The following B3GALT1 variants were observed in gnomAD, a reference collection of about 807,000 sequenced individuals.
B3GALT1 encodes the protein UDP-Gal:betaGlcNAc beta 1,3-galactosyltransferase, polypeptide 1.
A neutral mutation model predicts 23.2 loss-of-function variants in B3GALT1; 10 were observed. That is an observed-to-expected ratio of 0.43 (90% CI 0.27 to 0.73). The LOEUF (loss-of-function observed/expected upper bound fraction) is 0.73, where lower values mean the gene tolerates loss of function less well. Ranked by LOEUF, B3GALT1 falls within the 30% of genes least tolerant of loss-of-function variation. The pLI, the probability that B3GALT1 is intolerant of heterozygous loss-of-function variation, is 0.21. For missense variants in B3GALT1, 299 were observed against 405.4 expected (o/e 0.74, Z 2.25); for synonymous variants, 156 against 141.5 (o/e 1.10, Z -0.73).
chr2:167,486,938 G>A (rs1349142644), intron 1 of B3GALT1, among the ~76,000 whole-genome samples: 1 of 152,058 alleles, frequency 6.6e-6, no homozygotes, highest in Non-Finnish European at 1.5e-5. Context: ...CCATTTGGCT[G>A]TAGAATAAAA....
At chr2:167,559,774 G>A (rs1044896626) in intron 2 of B3GALT1, among the ~76,000 whole-genome samples, 4 of 152,130 alleles carry the variant, frequency 2.6e-5, no homozygotes, top group South Asian at 2.1e-4. Flanking sequence ...AAAAAGAAAT[G>A]AACAAAGCCT....
chr2:167,406,655 G>C (rs1299675298), intron 1 of B3GALT1, among the ~76,000 whole-genome samples: 1 of 152,184 alleles, frequency 6.6e-6, no homozygotes, highest in Non-Finnish European at 1.5e-5. Context: ...ATGACTGAGT[G>C]AAGGAAGAAA....
intron 1 of B3GALT1, among the ~76,000 whole-genome samples, chr2:167,472,849 T>G (rs1485551243): frequency 6.6e-6 from 1 of 152,144 alleles, no homozygotes; most frequent in Non-Finnish European, 1.5e-5. Flanking sequence ...GATATCAGTA[T>G]TTCCATTTGT....
intron 1 of B3GALT1, among the ~76,000 whole-genome samples, chr2:167,312,494 A>T: frequency 6.6e-6 from 1 of 152,162 alleles, no homozygotes; most frequent in South Asian, 2.1e-4. Flanking sequence ...AATGCTCAGT[A>T]CAAAGAACAC....
At chr2:167,310,178 C>A (rs1035476626) in intron 1 of B3GALT1, among the ~76,000 whole-genome samples, 1 of 151,938 alleles carries the variant, frequency 6.6e-6, no homozygotes, top group East Asian at 1.9e-4. Context: ...CACAAGCAAA[C>A]TGTTTCCATT....
intron 3 of B3GALT1, among the ~76,000 whole-genome samples, chr2:167,804,073 G>A (rs1478686071): frequency 6.6e-6 from 1 of 152,064 alleles, no homozygotes; most frequent in African/African-American, 2.4e-5. Context: ...TCGGCACACT[G>A]CAACCTCCCG....
intron 1 of B3GALT1, among the ~76,000 whole-genome samples, chr2:167,427,145 A>G (rs541107968): frequency 1.6e-4 from 25 of 152,348 alleles, no homozygotes; most frequent in Admixed American, 1.6e-3. Context: ...AGGCAAAACT[A>G]AACTATTGTT....
At chr2:167,518,036 C>A (rs376124423) in intron 2 of B3GALT1, among the ~76,000 whole-genome samples, 105 of 151,720 alleles carry the variant, frequency 6.9e-4, no homozygotes, top group African/African-American at 1.4e-3. Context: ...ACAACAACAA[C>A]AAAAAAAATT....
chr2:167,707,611 T>C (rs976619904), intron 3 of B3GALT1, among the ~76,000 whole-genome samples: 1 of 152,138 alleles, frequency 6.6e-6, no homozygotes, highest in Non-Finnish European at 1.5e-5. Context: ...TCACAAGACA[T>C]TGCTTCTGCC....
At chr2:167,455,427 G>A (rs892485808) in intron 1 of B3GALT1, among the ~76,000 whole-genome samples, 1 of 152,070 alleles carries the variant, frequency 6.6e-6, no homozygotes, top group Non-Finnish European at 1.5e-5. Flanking sequence ...TTTAAGGAAG[G>A]GGAGTAAAAT....
intron 4 of B3GALT1, among the ~76,000 whole-genome samples, chr2:167,850,769 G>A (rs1689867616): frequency 6.6e-6 from 1 of 152,070 alleles, no homozygotes; most frequent in South Asian, 2.1e-4. Context: ...TAAGCTATAA[G>A]GATGTAAAGG....
At chr2:167,635,302 C>T (rs1685530391) in intron 2 of B3GALT1, among the ~76,000 whole-genome samples, 1 of 152,106 alleles carries the variant, frequency 6.6e-6, no homozygotes, top group Non-Finnish European at 1.5e-5. Context: ...GACAACGATG[C>T]CCTCTCTCAC....
intron 4 of B3GALT1, among the ~76,000 whole-genome samples, chr2:167,838,436 A>C (rs1262855749): frequency 6.6e-6 from 1 of 152,286 alleles, no homozygotes; most frequent in Non-Finnish European, 1.5e-5. Flanking sequence ...GCAGAAATGG[A>C]TAAATTCCTC....
At chr2:167,570,287 G>C (rs1684266813) in intron 2 of B3GALT1, among the ~76,000 whole-genome samples, 1 of 151,696 alleles carries the variant, frequency 6.6e-6, no homozygotes, top group Non-Finnish European at 1.5e-5. Context: ...GAACTCATCG[G>C]GGCCTGGTGC....
At chr2:167,647,760 T>A (rs1685774167) in intron 3 of B3GALT1, among the ~76,000 whole-genome samples, 1 of 152,092 alleles carries the variant, frequency 6.6e-6, no homozygotes, top group African/African-American at 2.4e-5. Context: ...GAGTTTCTGC[T>A]CTCCTTTTAT....
intron 1 of B3GALT1, among the ~76,000 whole-genome samples, chr2:167,425,420 G>GA (rs34209016): frequency 1.3e-5 from 2 of 151,624 alleles, no homozygotes; most frequent in South Asian, 2.1e-4. Flanking sequence ...CCCAGCAAGG[G>GA]AAAAAAAATC....
At chr2:167,626,449 A>G (rs1224739471) in intron 2 of B3GALT1, among the ~76,000 whole-genome samples, 1 of 151,722 alleles carries the variant, frequency 6.6e-6, no homozygotes, top group African/African-American at 2.4e-5. Flanking sequence ...TTGCTTTATG[A>G]TTCCATGTCA....
intron 2 of B3GALT1, among the ~76,000 whole-genome samples, chr2:167,566,584 A>C (rs1445360409): frequency 6.6e-6 from 1 of 152,156 alleles, no homozygotes; most frequent in Non-Finnish European, 1.5e-5. Flanking sequence ...AGAATAACGT[A>C]GTCCAGCCTC....
intron 4 of B3GALT1, among the ~76,000 whole-genome samples, chr2:167,848,247 G>A (rs1203649210): frequency 1.3e-5 from 2 of 151,986 alleles, no homozygotes; most frequent in African/African-American, 4.8e-5. Flanking sequence ...TCTGTGAAGC[G>A]AGCATCACCC....
Sources: allele counts gnomAD v4.1 joint callset (sites outside exome capture counted in the v4.1 genomes callset), GRCh38; gene constraint gnomAD v4.1.1; transcripts MANE v1.5; gene names NCBI Gene and HGNC (gene_info 2026-07-23, HGNC 2026-07-21).